The following COPS5 variants were observed in gnomAD, a reference collection of about 807,000 sequenced individuals.
The protein encoded by COPS5 is COP9 signalosome complex subunit 5.
A neutral mutation model predicts 44.4 loss-of-function variants in COPS5; 8 were observed. That is an observed-to-expected ratio of 0.18 (90% CI 0.11 to 0.32). The LOEUF (loss-of-function observed/expected upper bound fraction) is 0.32. COPS5 is among the 10% of genes least tolerant of loss of function. COPS5 has a pLI of 1.00. For missense variants in COPS5, 159 were observed against 406.4 expected (o/e 0.39, Z 5.23); for synonymous variants, 122 against 142.8 (o/e 0.85, Z 1.04).
intron 7 of COPS5, chr8:67,044,680 A>G (rs2129537697): frequency 6.6e-6 from 1 of 151,626 alleles, no homozygotes. Context: ...GCTCACTGCA[A>G]TCTCCACCTC....
In COPS5 at chr8:67,045,965, G is replaced by A; in HGVS notation, c.772-5C>T. ...ACCAGTGGTATAGTCTGCATTCTGT[G>A]GGGAAAGTGGTATTGTGTCACTGCA... On this transcript the variant is annotated splice_region_variant and splice_polypyrimidine_tract_variant and intron_variant, in intron 6 of 7. Coordinates refer to ENST00000357849, the MANE Select transcript of COPS5 (RefSeq NM_006837.3). The A allele has an allele frequency of 6.2e-7, 1 of 1,612,748 alleles. No homozygotes were observed. The highest frequency in any genetic ancestry group is 8.5e-7 in the Non-Finnish European group (1 of 1,179,326).
intron 6 of COPS5, among the ~76,000 whole-genome samples, chr8:67,048,715 CA>C (rs377157256): frequency 0.024 from 1,554 of 63,762 alleles, 21 homozygotes; most frequent in African/African-American, 0.077. Flanking sequence ...GACTCCATCT[CA>C]AAAAAAAAAA....
At chr8:67,045,617 T>A in intron 7 of COPS5, 195 bp downstream of exon 7, 2 of 591,686 alleles carry the variant, frequency 3.4e-6, no homozygotes, top group Non-Finnish European at 6.0e-6. Context: ...TTCATGTTCT[T>A]ACCTGAGGTA....
At chr8:67,048,302 A>G (rs1211638657) in intron 6 of COPS5, among the ~76,000 whole-genome samples, 1 of 150,716 alleles carries the variant, frequency 6.6e-6, no homozygotes, top group African/African-American at 2.4e-5. Context: ...AAATAAAGTA[A>G]AATAAAATAA....
chr8:67,049,728 C>A (rs1804370872), intron 6 of COPS5, among the ~76,000 whole-genome samples: 1 of 152,140 alleles, frequency 6.6e-6, no homozygotes, highest in South Asian at 2.1e-4. Context: ...CTCCTTTCAA[C>A]CAATACTCCA....
At chr8:67,047,812 C>T (rs1301988159) in intron 6 of COPS5, 2 of 702,522 alleles carry the variant, frequency 2.8e-6, no homozygotes, top group Non-Finnish European at 5.2e-6. Context: ...AGTGTTTTCT[C>T]CCCTTGCCAT....
In COPS5 at chr8:67,051,355, G is replaced by C. The variant is rs777366271; in HGVS notation, c.660-14C>G. Reference sequence around the variant, plus strand: ...AAGGCATAATATCTATGAAATAAAAGCATAAAATTTAGTAAGTAAAAAAAA... The same window carrying C: ...AAGGCATAATATCTATGAAATAAAACCATAAAATTTAGTAAGTAAAAAAAA... On this transcript the variant is annotated splice_polypyrimidine_tract_variant and intron_variant, in intron 5 of 7. Transcript: ENST00000357849. 2.0e-6 allele frequency: 3 copies of C among 1,475,586 alleles called. No individual in the cohort carries two copies. Among genetic ancestry groups the C allele is most frequent in the Non-Finnish European group, 1.9e-6 (2 of 1,075,416 alleles). 91.4% of individuals were successfully genotyped at this position (1,475,586 alleles called of 1,614,324 possible). A position where few individuals can be genotyped will look rare whatever the true frequency, so the allele number is the denominator to read the frequency against.
chr8:67,045,718 C>T (rs1816692629), intron 7 of COPS5, 94 bp downstream of exon 7: 2 of 1,242,414 alleles, frequency 1.6e-6, no homozygotes, highest in Non-Finnish European at 2.3e-6. Context: ...TTGTAACTAA[C>T]TTGAGCCATA....
At position 67,058,324 on chromosome 8, in the gene COPS5, C is replaced by A. The variant is rs144627408; in HGVS notation, c.379-113G>T. 8.8e-6 allele frequency: 9 copies of A among 1,022,556 alleles called. No homozygotes were observed. The African/African-American group carries it at 1.4e-4, about 16-fold the overall frequency. 63.3% of individuals were successfully genotyped at this position (1,022,556 alleles called of 1,614,324 possible). ...CCATCTCCTTCTCCTCAATTACCCA[C>A]TTTTCTCAGCCCAGATGCGAAATCT... is the stretch of plus-strand genomic sequence containing the variant. On this transcript the variant is annotated intron_variant, in intron 2 of 7. Coordinates refer to ENST00000357849, the MANE Select transcript of COPS5 (RefSeq NM_006837.3).
rs180690004 is a variant in COPS5, at chr8:67,053,145, A to G, written c.660-1804T>C. Among the ~76,000 whole-genome samples the G allele has an allele frequency of 3.8e-3, 585 of 152,006 alleles. 11 individuals carry two copies. Among genetic ancestry groups the G allele is most frequent in the Non-Finnish European group, 6.2e-4 (42 of 67,972 alleles). ...CACTCTGTCACTTAGGCTGGAGTGC[A>G]GTTGTGCTATCTGGGCTCACTGCAA... On this transcript the variant is annotated intron_variant, in intron 5 of 7. Coordinates refer to ENST00000357849, the MANE Select transcript of COPS5 (RefSeq NM_006837.3).
intron 4 of COPS5, 42 bp from the exon 5 acceptor site, chr8:67,056,646 AAAAAAAATATATATATATAT>A (rs1563447125): frequency 2.1e-4 from 20 of 96,338 alleles, no homozygotes; most frequent in East Asian, 5.3e-4. Flanking sequence ...GAAAAAAAAA[AAAAAAAATATATATATATAT>A]ATATATATAT....
intron 6 of COPS5, 141 bp from the exon 7 acceptor site, chr8:67,046,101 TGAGGA>T (rs1413694603): frequency 4.9e-6 from 4 of 819,952 alleles, no homozygotes; most frequent in African/African-American, 3.5e-5. Context: ...GAATAGTCAG[TGAGGA>T]GAGAAGTCAA....
In COPS5 at chr8:67,056,651, AAATATATATATATAT is replaced by A. The variant is rs1209509124; in HGVS notation, c.574-62_574-48del. On this transcript the variant is annotated intron_variant, in intron 4 of 7. Coordinates refer to ENST00000357849, the MANE Select transcript of COPS5 (RefSeq NM_006837.3). ...AGAAGATTAAGAAAAAAAAAAAAAA[AAATATATATATATAT>A]ATATATATATATATATATATATATA... 106 of 55,912 alleles carry A rather than the reference AAATATATATATATAT, an allele frequency of 1.9e-3. 15 individuals carry two copies. Among genetic ancestry groups the A allele is most frequent in the South Asian group, 2.9e-3 (4 of 1,398 alleles). 3.5% of individuals were successfully genotyped at this position (55,912 alleles called of 1,614,324 possible). A position where few individuals can be genotyped will look rare whatever the true frequency, so the allele number is the denominator to read the frequency against.
At chr8:67,047,506 A>G (rs950889250) in intron 6 of COPS5, among the ~76,000 whole-genome samples, 12 of 152,170 alleles carry the variant, frequency 7.9e-5, no homozygotes, top group Non-Finnish European at 1.3e-4. Context: ...TACATTTCAA[A>G]TGTGCAGAAA....
chr8:67,061,655 G>A (rs1804633800), intron 1 of COPS5, 199 bp downstream of exon 1: 1 of 593,360 alleles, frequency 1.7e-6, no homozygotes, highest in African/African-American at 1.9e-5. Flanking sequence ...ATCACCCGGG[G>A]GCAAATGGAT....
intron 2 of COPS5, among the ~76,000 whole-genome samples, chr8:67,058,620 A>C (rs905049624): frequency 6.6e-6 from 1 of 152,070 alleles, no homozygotes; most frequent in Non-Finnish European, 1.5e-5. Context: ...CCAGTTTTAT[A>C]CTCAGGAACT....
intron 1 of COPS5, chr8:67,061,256 G>T: frequency 3.0e-6 from 1 of 338,540 alleles, no homozygotes; most frequent in Non-Finnish European, 5.8e-6. Flanking sequence ...TTAGAGACCA[G>T]GTAGTAGAGC....
chr8:67,060,290 A>G (rs1804565841), intron 1 of COPS5: 1 of 1,120,408 alleles, frequency 8.9e-7, no homozygotes, highest in Non-Finnish European at 1.1e-6. Flanking sequence ...AGGCAGGCCA[A>G]CAGTTTCCAA....
At position 67,043,102 on chromosome 8, in the gene COPS5, CAGGATATTAATATTT is replaced by C; in HGVS notation, c.*116_*130del. On this transcript the variant is annotated 3_prime_UTR_variant, in exon 8 of 8. Coordinates refer to ENST00000357849, the MANE Select transcript of COPS5 (RefSeq NM_006837.3). ...AATTTCATTTTAAAGAGCTTTATTA[CAGGATATTAATATTT>C]AGGACACTTCAGAGCACCTTATACT... 1 of 524,098 alleles carries C rather than the reference CAGGATATTAATATTT, an allele frequency of 1.9e-6. No individual in the cohort carries two copies. Among genetic ancestry groups the C allele is most frequent in the East Asian group, 3.5e-5 (1 of 28,622 alleles). 32.5% of individuals were successfully genotyped at this position (524,098 alleles called of 1,614,324 possible).
Sources: allele counts gnomAD v4.1 joint callset (sites outside exome capture counted in the v4.1 genomes callset), GRCh38; gene constraint gnomAD v4.1.1; transcripts MANE v1.5; gene names NCBI Gene and HGNC (gene_info 2026-07-23, HGNC 2026-07-21).